The following FBXW11 variants were observed in gnomAD, a reference collection of about 807,000 sequenced individuals.
The protein encoded by FBXW11 is F-box and WD repeat domain containing 11, also known as F-box/WD repeat-containing protein 11.
Under a neutral mutation model 77.6 loss-of-function variants are expected in FBXW11, and 19 were observed. The ratio of observed to expected loss-of-function variants is 0.24; its 90% CI spans 0.17 to 0.36. The LOEUF (loss-of-function observed/expected upper bound fraction) is 0.36, where lower values mean the gene tolerates loss of function less well. Among genes scored for constraint, FBXW11 ranks in the 10% least tolerant of loss-of-function variants. The probability of loss-of-function intolerance (pLI) is 1.00; values close to 1 mark genes in which losing one functional copy is unlikely to be tolerated. For synonymous variants in FBXW11, 235 were observed against 249.4 expected, an observed-to-expected ratio of 0.94 and a Z score of 0.54; for missense variants, 334 against 704.2, an observed-to-expected ratio of 0.47 and a Z score of 5.95.
chr5:171,895,750 C>T (rs546587494), intron 6 of FBXW11, among the ~76,000 whole-genome samples: 4 of 152,294 alleles, frequency 2.6e-5, no homozygotes, highest in African/African-American at 7.2e-5. Flanking sequence ...TTTGACAATT[C>T]GAGGATTAAA....
intron 2 of FBXW11, among the ~76,000 whole-genome samples, chr5:171,949,729 T>C (rs1763203422): frequency 6.6e-6 from 1 of 152,204 alleles, no homozygotes; most frequent in South Asian, 2.1e-4. Flanking sequence ...AATATTTTTA[T>C]GTATACATAT....
At chr5:171,987,480 C>T (rs1765509210) in intron 1 of FBXW11, among the ~76,000 whole-genome samples, 1 of 151,698 alleles carries the variant, frequency 6.6e-6, no homozygotes, top group African/African-American at 2.4e-5. Context: ...AGGCGGAGTG[C>T]CACTCTACTG....
intron 2 of FBXW11, among the ~76,000 whole-genome samples, chr5:171,918,552 C>T (rs977111528): frequency 1.2e-4 from 19 of 152,146 alleles, no homozygotes; most frequent in African/African-American, 4.3e-4. Context: ...GAAATACCAA[C>T]CAGTTTACTT....
In FBXW11 at chr5:171,876,390, G is replaced by A. The variant is rs369137834; in HGVS notation, c.1116C>T (p.Thr372=). The A allele has an allele frequency of 3.0e-5, 49 of 1,614,040 alleles. No homozygotes were observed. Among genetic ancestry groups the A allele is most frequent in the African/African-American group, 2.9e-4 (22 of 75,046 alleles). Residue 372 remains threonine, a synonymous_variant, in exon 9 of 14, where the codon ACC becomes ACT. Transcript: ENST00000517395. The surrounding 1 kb of genome is among the most constrained non-coding windows in gnomAD (Gnocchi z 4.2). The part of the protein sequence containing the change: ...SIAVWDMASA[T]DITLRRVLVG... ...CCAGGACACGGCGTAAAGTGATGTCGGTCGCAGAAGCCATGTCCCACACAG... is the reference window on the plus strand; with the variant it reads ...CCAGGACACGGCGTAAAGTGATGTCAGTCGCAGAAGCCATGTCCCACACAG...
intron 2 of FBXW11, among the ~76,000 whole-genome samples, chr5:171,947,155 GACA>G (rs1763054458): frequency 6.6e-6 from 1 of 152,094 alleles, no homozygotes; most frequent in Non-Finnish European, 1.5e-5. Context: ...TAGGTTCTGA[GACA>G]ACAAGGCTTT....
At chr5:171,880,857 G>A (rs1422904018) in intron 7 of FBXW11, among the ~76,000 whole-genome samples, 5 of 152,172 alleles carry the variant, frequency 3.3e-5, no homozygotes, top group East Asian at 3.9e-4. Flanking sequence ...CACCACACCC[G>A]GCTAATTTTT....
intron 2 of FBXW11, among the ~76,000 whole-genome samples, chr5:171,933,512 G>C (rs1410156553): frequency 1.3e-5 from 2 of 152,188 alleles, no homozygotes; most frequent in Non-Finnish European, 2.9e-5. Flanking sequence ...GGTGATAATG[G>C]TGTGTCAAGG....
At chr5:171,923,942 T>G (rs928063901) in intron 2 of FBXW11, among the ~76,000 whole-genome samples, 1 of 63,808 alleles carries the variant, frequency 1.6e-5, no homozygotes, top group African/African-American at 5.4e-5. Flanking sequence ...TTTTTTTTTT[T>G]TGAGACAGAG....
chr5:171,924,879 C>T (rs1220794261), intron 2 of FBXW11, among the ~76,000 whole-genome samples: 1 of 151,550 alleles, frequency 6.6e-6, no homozygotes, highest in Non-Finnish European at 1.5e-5. Context: ...GCTGTAACAC[C>T]CTCTTTGGGG....
chr5:171,902,346 C>A (rs900761887), intron 4 of FBXW11, among the ~76,000 whole-genome samples: 4 of 152,142 alleles, frequency 2.6e-5, no homozygotes, highest in Admixed American at 6.5e-5. Context: ...TGCTTGGTAA[C>A]CCTTTTAAAC....
At chr5:172,005,040 A>G (rs1181614448) in intron 1 of FBXW11, among the ~76,000 whole-genome samples, 1 of 152,230 alleles carries the variant, frequency 6.6e-6, no homozygotes, top group East Asian at 1.9e-4. Context: ...TTTTTAAAAC[A>G]AGCATCTCAA....
At chr5:171,956,220 T>C (rs981766836) in intron 2 of FBXW11, among the ~76,000 whole-genome samples, 3 of 152,140 alleles carry the variant, frequency 2.0e-5, no homozygotes, top group Non-Finnish European at 4.4e-5. Context: ...AACGCAAATA[T>C]CCATTATACA....
At chr5:171,985,936 G>A (rs567348090) in intron 1 of FBXW11, among the ~76,000 whole-genome samples, 10 of 152,212 alleles carry the variant, frequency 6.6e-5, no homozygotes, top group African/African-American at 2.4e-4. Context: ...GGCAGAACAA[G>A]ATTCTGACCC....
chr5:171,977,362 G>A lies in FBXW11; in HGVS notation c.46-19664C>T, dbSNP rs114447129. On this transcript the variant is annotated intron_variant, in intron 1 of 13. Coordinates refer to ENST00000517395, the MANE Select transcript of FBXW11 (RefSeq NM_001378974.1). Reference sequence around the variant, plus strand: ...AAGAAAAAAGAAAGAGGAAGAGAAAGAAATCTCTGTTCTTTATAAATTACC... The same window carrying A: ...AAGAAAAAAGAAAGAGGAAGAGAAAAAAATCTCTGTTCTTTATAAATTACC... Among the ~76,000 whole-genome samples the A allele has an allele frequency of 7.6e-3, 1,143 of 150,092 alleles. 21 individuals carry two copies. Among genetic ancestry groups the A allele is most frequent in the African/African-American group, 0.027 (1,102 of 40,884 alleles).
chr5:172,000,414 T>G (rs1382605954), intron 1 of FBXW11, among the ~76,000 whole-genome samples: 1 of 152,210 alleles, frequency 6.6e-6, no homozygotes, highest in Non-Finnish European at 1.5e-5. Flanking sequence ...TAGATCTAAT[T>G]ACGCCAAATT....
At chr5:171,885,153 C>A (rs891271075) in intron 7 of FBXW11, among the ~76,000 whole-genome samples, 11 of 152,210 alleles carry the variant, frequency 7.2e-5, no homozygotes, top group African/African-American at 2.2e-4. Flanking sequence ...TCTGGCTAAG[C>A]AGTTTCTACT....
chr5:171,874,449 C>T (rs141768898), intron 9 of FBXW11, among the ~76,000 whole-genome samples: 78 of 152,258 alleles, frequency 5.1e-4, no homozygotes, highest in Middle Eastern at 3.4e-3. Flanking sequence ...TCTCAACTTC[C>T]AGGCACTGGT....
At chr5:172,005,368 T>C (rs1399793067) in intron 1 of FBXW11, among the ~76,000 whole-genome samples, 1 of 152,250 alleles carries the variant, frequency 6.6e-6, no homozygotes, top group East Asian at 1.9e-4. Flanking sequence ...TGATGCAGAC[T>C]TCCTCTTCCC....
chr5:171,910,226 C>T (rs906593209), intron 4 of FBXW11, among the ~76,000 whole-genome samples: 4 of 151,902 alleles, frequency 2.6e-5, no homozygotes, highest in East Asian at 1.9e-4. Context: ...CCACCACCCC[C>T]GGCTAATTTT....
Sources: allele counts gnomAD v4.1 joint callset (sites outside exome capture counted in the v4.1 genomes callset), GRCh38; gene constraint gnomAD v4.1.1; non-coding constraint Gnocchi (gnomAD v3.1); transcripts MANE v1.5; gene names NCBI Gene and HGNC (gene_info 2026-07-23, HGNC 2026-07-21).